The following PDGFC variants were observed in gnomAD, a reference collection of about 807,000 sequenced individuals.
PDGFC encodes platelet-derived growth factor C.
In PDGFC, 12 loss-of-function variants were observed where a neutral mutation model predicts 35.5. The ratio of observed to expected loss-of-function variants is 0.34; its 90% CI spans 0.22 to 0.55. The LOEUF (loss-of-function observed/expected upper bound fraction) is 0.55. PDGFC is among the 20% of genes least tolerant of loss of function. The probability of loss-of-function intolerance (pLI) is 0.91; values close to 1 mark genes in which losing one functional copy is unlikely to be tolerated. For missense variants in PDGFC, 322 were observed against 412.4 expected, an observed-to-expected ratio of 0.78 and a Z score of 1.90; for synonymous variants, 159 against 148.8, an observed-to-expected ratio of 1.07 and a Z score of -0.50.
At chr4:156,763,880 T>C (rs17035194) in intron 5 of PDGFC, among the ~76,000 whole-genome samples, 2,173 of 152,288 alleles carry the variant, frequency 0.014, 65 homozygotes, top group African/African-American at 0.049. Flanking sequence ...TTATCTGCAG[T>C]TCAGATTGTC....
chr4:156,794,616 T>C (rs1160655698), intron 3 of PDGFC, among the ~76,000 whole-genome samples: 7 of 152,138 alleles, frequency 4.6e-5, no homozygotes, highest in African/African-American at 1.7e-4. Context: ...TTGCTTTTTA[T>C]TAATAAGATA....
intron 1 of PDGFC, among the ~76,000 whole-genome samples, chr4:156,917,807 A>G (rs1731186457): frequency 6.6e-6 from 1 of 152,240 alleles, no homozygotes; most frequent in Non-Finnish European, 1.5e-5. Flanking sequence ...CCAGGATGCT[A>G]AAGGACCACT....
chr4:156,916,266 T>A (rs531942753), intron 1 of PDGFC, among the ~76,000 whole-genome samples: 1 of 152,326 alleles, frequency 6.6e-6, no homozygotes, highest in East Asian at 1.9e-4. Context: ...TCACCCTGTA[T>A]GCAAGCCATC....
chr4:156,867,997 C>A (rs1372493589), intron 1 of PDGFC, among the ~76,000 whole-genome samples: 1 of 152,074 alleles, frequency 6.6e-6, no homozygotes. Flanking sequence ...TGTGCCTCAG[C>A]CTCCCCAGTA....
chr4:156,793,564 A>ATAT lies in PDGFC; in HGVS notation c.495+17272_495+17273insATA, dbSNP rs1553965210. 2.1e-3 allele frequency among the ~76,000 whole-genome samples: 246 copies of ATAT among 117,790 alleles called. 1 individual carries two copies. The highest frequency in any genetic ancestry group is 6.2e-3 in the African/African-American group (185 of 29,914). 77.3% of individuals were successfully genotyped at this position (117,790 alleles called of 152,430 possible). ...ATATATATATATATATATATATATA[A>ATAT]AACACTTTAAAATGTTATATGTGTG... On this transcript the variant is annotated intron_variant, in intron 3 of 5. Coordinates refer to ENST00000502773, the MANE Select transcript of PDGFC (RefSeq NM_016205.3).
At chr4:156,772,971 A>G in intron 3 of PDGFC, 78 bp from the exon 4 acceptor site, 1 of 937,188 alleles carries the variant, frequency 1.1e-6, no homozygotes. Context: ...AAGAAATTAT[A>G]AAGACTGAGG....
At chr4:156,935,741 T>C (rs1731664902) in intron 1 of PDGFC, among the ~76,000 whole-genome samples, 1 of 152,206 alleles carries the variant, frequency 6.6e-6, no homozygotes, top group Admixed American at 6.5e-5. Context: ...CCTAATCTTG[T>C]AAGAGCCATA....
intron 1 of PDGFC, among the ~76,000 whole-genome samples, chr4:156,871,163 G>A (rs1043831317): frequency 3.3e-5 from 5 of 152,060 alleles, no homozygotes. Flanking sequence ...ATTAGTAGAT[G>A]CCAAGACAGG....
intron 1 of PDGFC, among the ~76,000 whole-genome samples, chr4:156,943,442 C>T (rs2110914169): frequency 6.6e-6 from 1 of 152,176 alleles, no homozygotes; most frequent in East Asian, 1.9e-4. Context: ...TCAGGCCCCA[C>T]CCGCAAGCCT....
At chr4:156,937,864 G>GA (rs1164171240) in intron 1 of PDGFC, among the ~76,000 whole-genome samples, 64 of 150,620 alleles carry the variant, frequency 4.2e-4, no homozygotes, top group Non-Finnish European at 1.6e-4. Context: ...ATTCATGGTG[G>GA]AAAAAAAAAT....
intron 1 of PDGFC, among the ~76,000 whole-genome samples, chr4:156,885,067 T>C (rs2111180157): frequency 6.6e-6 from 1 of 152,272 alleles, no homozygotes; most frequent in East Asian, 1.9e-4. Flanking sequence ...ATAATGTTTC[T>C]GGTGTTAGAC....
At chr4:156,938,784 A>C (rs1731740539) in intron 1 of PDGFC, among the ~76,000 whole-genome samples, 1 of 151,706 alleles carries the variant, frequency 6.6e-6, no homozygotes, top group South Asian at 2.1e-4. Context: ...CTGTATATTT[A>C]ATACTTTAAT....
At chr4:156,917,626 A>G (rs956975011) in intron 1 of PDGFC, among the ~76,000 whole-genome samples, 1 of 152,246 alleles carries the variant, frequency 6.6e-6, no homozygotes, top group African/African-American at 2.4e-5. Context: ...GATTTGGCCT[A>G]TTATAGATTT....
chr4:156,866,793 C>G (rs889358649), intron 1 of PDGFC, among the ~76,000 whole-genome samples: 121 of 93,766 alleles, frequency 1.3e-3, no homozygotes, highest in African/African-American at 6.1e-3. Flanking sequence ...TTAATTAAAA[C>G]AGTTTTTCTT....
intron 1 of PDGFC, among the ~76,000 whole-genome samples, chr4:156,859,067 T>G (rs142079359): frequency 2.2e-4 from 33 of 152,152 alleles, no homozygotes; most frequent in Middle Eastern, 3.4e-3. Context: ...TACTATTTCA[T>G]AGAAAAAATG....
intron 2 of PDGFC, among the ~76,000 whole-genome samples, chr4:156,837,090 G>T (rs2111041646): frequency 6.6e-6 from 1 of 152,252 alleles, no homozygotes; most frequent in Admixed American, 6.5e-5. Context: ...ATAGGAATAT[G>T]ATATTAATAT....
At chr4:156,821,006 A>G (rs1478366471) in intron 2 of PDGFC, among the ~76,000 whole-genome samples, 1 of 152,176 alleles carries the variant, frequency 6.6e-6, no homozygotes, top group Admixed American at 6.5e-5. Context: ...GATACAGAAG[A>G]AACAAACGAT....
intron 1 of PDGFC, among the ~76,000 whole-genome samples, chr4:156,914,213 C>A (rs553060001): frequency 3.3e-5 from 5 of 152,134 alleles, no homozygotes; most frequent in Non-Finnish European, 7.4e-5. Context: ...AGCTCAAAAA[C>A]TCTCTCAGTT....
intron 1 of PDGFC, among the ~76,000 whole-genome samples, chr4:156,853,520 T>G (rs2111092045): frequency 6.6e-6 from 1 of 152,334 alleles, no homozygotes; most frequent in African/African-American, 2.4e-5. Context: ...TAGATGCTAA[T>G]ATTTGATACT....
Sources: allele counts gnomAD v4.1 joint callset (sites outside exome capture counted in the v4.1 genomes callset), GRCh38; gene constraint gnomAD v4.1.1; transcripts MANE v1.5; gene names NCBI Gene and HGNC (gene_info 2026-07-23, HGNC 2026-07-21).